SLC25A26: variants seen among roughly 807,000 people sequenced by gnomAD.
The protein encoded by SLC25A26 is solute carrier family 25 member 26, also known as mitochondrial S-adenosylmethionine carrier protein.
Under a neutral mutation model 37.8 loss-of-function variants are expected in SLC25A26, and 36 were observed. The observed-to-expected ratio is 0.95, with a 90% CI of 0.73 to 1.26. SLC25A26 has a LOEUF of 1.26. SLC25A26 is among the 50% of genes most tolerant of loss of function. SLC25A26 has a pLI of 0.00. For missense variants in SLC25A26, 390 were observed against 331.1 expected (o/e 1.18, Z -1.38); for synonymous variants, 129 against 122.5 (o/e 1.05, Z -0.35).
intron 1 of SLC25A26, among the ~76,000 whole-genome samples, chr3:66,147,501 A>C (rs920938628): frequency 1.3e-5 from 2 of 151,938 alleles, no homozygotes; most frequent in Non-Finnish European, 2.9e-5. Flanking sequence ...ATGGACACTC[A>C]GGTTGGTTTT....
intron 5 of SLC25A26, among the ~76,000 whole-genome samples, chr3:66,308,406 G>A (rs761121072): frequency 4.6e-5 from 7 of 152,168 alleles, no homozygotes; most frequent in Non-Finnish European, 5.9e-5. Context: ...TTGGGGCTGC[G>A]ATGATGGAGT....
intron 1 of SLC25A26, among the ~76,000 whole-genome samples, chr3:66,159,927 T>C (rs754473922): frequency 2.6e-5 from 4 of 152,118 alleles, no homozygotes; most frequent in Non-Finnish European, 4.4e-5. Context: ...TAGTAAGTGA[T>C]GAAAAAATGG....
At chr3:66,170,977 G>T (rs542897666) in intron 1 of SLC25A26, among the ~76,000 whole-genome samples, 73 of 150,386 alleles carry the variant, frequency 4.9e-4, no homozygotes, top group African/African-American at 1.7e-3. Flanking sequence ...CTAATTTTTT[G>T]TATTTTTAGT....
intron 6 of SLC25A26, among the ~76,000 whole-genome samples, chr3:66,356,631 A>C (rs1229162416): frequency 6.6e-6 from 1 of 151,910 alleles, no homozygotes; most frequent in Non-Finnish European, 1.5e-5. Flanking sequence ...TGGGAACTTT[A>C]TTATTATTAT....
intron 2 of SLC25A26, among the ~76,000 whole-genome samples, chr3:66,241,912 CT>C (rs36194673): frequency 1.9e-3 from 276 of 144,030 alleles, no homozygotes; most frequent in Admixed American, 1.9e-3. Flanking sequence ...GAAAGCATAG[CT>C]TTTTTTTTTT....
chr3:66,198,076 C>G (rs1017421277), intron 1 of SLC25A26, among the ~76,000 whole-genome samples: 3 of 152,086 alleles, frequency 2.0e-5, no homozygotes, highest in African/African-American at 7.2e-5. Context: ...CAGCCAGCAT[C>G]ATGGTGAAGG....
chr3:66,139,466 G>T (rs2070001828), intron 1 of SLC25A26, among the ~76,000 whole-genome samples: 1 of 152,182 alleles, frequency 6.6e-6, no homozygotes, highest in African/African-American at 2.4e-5. Flanking sequence ...CCCCTATCAG[G>T]AGATAAAAAT....
chr3:66,363,555 A>C (rs1016514148), intron 7 of SLC25A26, among the ~76,000 whole-genome samples: 4 of 152,214 alleles, frequency 2.6e-5, no homozygotes, highest in Non-Finnish European at 5.9e-5. Context: ...CGAGAACTCA[A>C]ATGCTTTAAA....
In SLC25A26 at chr3:66,284,572, T is replaced by A. The variant is rs540443341; in HGVS notation, c.453+21193T>A. Among the ~76,000 whole-genome samples, 7 of 152,302 alleles carry A rather than the reference T, an allele frequency of 4.6e-5. No homozygotes were observed. The East Asian group carries it at 1.4e-3, about 29-fold the overall frequency. The stretch of plus-strand genomic sequence containing the variant: ...AACAGGAACAATTTGAGATAAATGT[T>A]TCTCAATATGAGAAAAAATAAACTA... On this transcript the variant is annotated intron_variant, in intron 5 of 9. Transcript: ENST00000354883.
chr3:66,371,413 G>C, intron 9 of SLC25A26: 3 of 1,483,456 alleles, frequency 2.0e-6, no homozygotes, highest in Non-Finnish European at 1.8e-6. Flanking sequence ...ACATGAAGTA[G>C]GTGAGTCAGG....
intron 7 of SLC25A26, among the ~76,000 whole-genome samples, chr3:66,363,156 T>C (rs1343736874): frequency 6.6e-6 from 1 of 152,172 alleles, no homozygotes; most frequent in Non-Finnish European, 1.5e-5. Context: ...ATTTTTCTTT[T>C]TCTTTTTATC....
chr3:66,201,528 G>A (rs1429758662), intron 1 of SLC25A26, among the ~76,000 whole-genome samples: 1 of 151,902 alleles, frequency 6.6e-6, no homozygotes, highest in Non-Finnish European at 1.5e-5. Flanking sequence ...TAGAGATGGG[G>A]TTTCACCACG....
intron 1 of SLC25A26, among the ~76,000 whole-genome samples, chr3:66,149,710 T>G (rs1175031698): frequency 6.6e-6 from 1 of 152,178 alleles, no homozygotes; most frequent in Non-Finnish European, 1.5e-5. Context: ...AATCAAACCT[T>G]TGCTCAACTG....
At chr3:66,228,381 C>G (rs559190282) in intron 1 of SLC25A26, among the ~76,000 whole-genome samples, 2 of 152,252 alleles carry the variant, frequency 1.3e-5, no homozygotes, top group Admixed American at 1.3e-4. Context: ...GTTTTGTTAC[C>G]ACTTCCAAAC....
intron 3 of SLC25A26, among the ~76,000 whole-genome samples, chr3:66,258,195 A>G (rs1363315695): frequency 3.3e-5 from 5 of 152,172 alleles, no homozygotes; most frequent in African/African-American, 1.2e-4. Context: ...TGGCCAACAC[A>G]TGCAAGGAGA....
chr3:66,147,285 T>A (rs1450616875), intron 1 of SLC25A26, among the ~76,000 whole-genome samples: 1 of 151,358 alleles, frequency 6.6e-6, no homozygotes, highest in African/African-American at 2.4e-5. Flanking sequence ...CGCCTCATCC[T>A]CCCAAGTAGC....
intron 5 of SLC25A26, 163 bp downstream of exon 5, chr3:66,263,542 A>G (rs1429675679): frequency 6.3e-6 from 1 of 159,316 alleles, no homozygotes; most frequent in East Asian, 1.9e-4. Context: ...GAGTTTTTAT[A>G]TTTAAAAGAA....
chr3:66,372,536 C>G (rs2107854219), intron 9 of SLC25A26, among the ~76,000 whole-genome samples: 1 of 152,256 alleles, frequency 6.6e-6, no homozygotes, highest in Non-Finnish European at 1.5e-5. Flanking sequence ...TGTCCCTGTC[C>G]CCATTGTCAG....
intron 5 of SLC25A26, among the ~76,000 whole-genome samples, chr3:66,329,201 C>CA (rs1166752030): frequency 1.7e-4 from 26 of 152,246 alleles, no homozygotes; most frequent in South Asian, 1.0e-3. Flanking sequence ...AAGTTCTCTG[C>CA]AAAAGATTTT....
Sources: allele counts gnomAD v4.1 joint callset (sites outside exome capture counted in the v4.1 genomes callset), GRCh38; gene constraint gnomAD v4.1.1; transcripts MANE v1.5; gene names NCBI Gene and HGNC (gene_info 2026-07-23, HGNC 2026-07-21).